ADARB2: variants seen among roughly 807,000 people sequenced by gnomAD.
ADARB2 encodes inactive double-stranded RNA-specific editase B2.
ADARB2 carries 25 observed loss-of-function variants against 62.2 expected under a neutral mutation model. The ratio of observed to expected loss-of-function variants is 0.40; its 90% confidence interval spans 0.29 to 0.56. The LOEUF is 0.56. ADARB2 is among the 20% of genes least tolerant of loss of function. ADARB2 has a pLI of 0.43. For missense variants in ADARB2, 1,071 were observed against 1,077.4 expected (o/e 0.99, Z 0.08); for synonymous variants, 572 against 500.8 (o/e 1.14, Z -1.90).
At chr10:1,342,118 G>A (rs187124082) in intron 3 of ADARB2, among the ~76,000 whole-genome samples, 31 of 152,234 alleles carry the variant, frequency 2.0e-4, no homozygotes, top group African/African-American at 7.2e-4. Flanking sequence ...ACATCTTGGG[G>A]TGTCCCAACC....
In ADARB2 at chr10:1,481,675, G is replaced by A. The variant is rs545286733; in HGVS notation, c.101-102515C>T. On this transcript the variant is annotated intron_variant, in intron 1 of 9. Coordinates refer to ENST00000381312, the MANE Select transcript of ADARB2 (RefSeq NM_018702.4). Reference sequence around the variant, plus strand: ...AGTTCAAGACCAGCCTGGCCAACATGGTGAAACCCCATCTCTACTAAAAAT... The same window carrying A: ...AGTTCAAGACCAGCCTGGCCAACATAGTGAAACCCCATCTCTACTAAAAAT... Among the ~76,000 whole-genome samples, 477 of 152,020 alleles carry A rather than the reference G, an allele frequency of 3.1e-3. 1 individual carries two copies. The highest frequency in any genetic ancestry group is 0.011 in the African/African-American group (447 of 41,436).
intron 6 of ADARB2, among the ~76,000 whole-genome samples, chr10:1,222,264 TG>T (rs1830702006): frequency 6.6e-6 from 1 of 152,252 alleles, no homozygotes; most frequent in Non-Finnish European, 1.5e-5. Flanking sequence ...TGAATGGGGT[TG>T]TTTTTTTCTT....
At chr10:1,591,909 T>G (rs1433516169) in intron 1 of ADARB2, among the ~76,000 whole-genome samples, 1 of 152,244 alleles carries the variant, frequency 6.6e-6, no homozygotes, top group African/African-American at 2.4e-5. Context: ...CAGTTCATCT[T>G]GGAAAACACA....
At chr10:1,495,327 G>A (rs1057241419) in intron 1 of ADARB2, among the ~76,000 whole-genome samples, 1 of 152,220 alleles carries the variant, frequency 6.6e-6, no homozygotes, top group African/African-American at 2.4e-5. Flanking sequence ...GGTATATCAA[G>A]TAGTTCACGT....
intron 2 of ADARB2, among the ~76,000 whole-genome samples, chr10:1,368,091 GCA>G (rs1247610082): frequency 2.6e-5 from 4 of 152,154 alleles, no homozygotes; most frequent in African/African-American, 9.7e-5. Context: ...TGGGAGCCCA[GCA>G]CAGAGGCCAC....
intron 1 of ADARB2, among the ~76,000 whole-genome samples, chr10:1,419,596 T>C (rs1832835915): frequency 6.6e-6 from 1 of 152,180 alleles, no homozygotes; most frequent in African/African-American, 2.4e-5. Flanking sequence ...TAAGCCCAGA[T>C]GGTTGGTGCT....
At chr10:1,516,280 C>T (rs1342791539) in intron 1 of ADARB2, among the ~76,000 whole-genome samples, 2 of 152,216 alleles carry the variant, frequency 1.3e-5, no homozygotes, top group African/African-American at 4.8e-5. Flanking sequence ...CTCTCCTTTC[C>T]CAGGACAATG....
intron 3 of ADARB2, among the ~76,000 whole-genome samples, chr10:1,322,181 G>C (rs1028377672): frequency 6.6e-6 from 1 of 152,152 alleles, no homozygotes; most frequent in Admixed American, 6.5e-5. Context: ...AGAGGTGATG[G>C]GAGAGATGGA....
At chr10:1,509,418 G>C (rs1004471474) in intron 1 of ADARB2, among the ~76,000 whole-genome samples, 2 of 152,128 alleles carry the variant, frequency 1.3e-5, no homozygotes, top group South Asian at 2.1e-4. Context: ...AGAAGCCCTC[G>C]GGGGTTCGTC....
intron 9 of ADARB2, among the ~76,000 whole-genome samples, chr10:1,184,535 T>C (rs993834503): frequency 2.0e-5 from 3 of 152,162 alleles, no homozygotes; most frequent in Non-Finnish European, 4.4e-5. Flanking sequence ...TAGTATCGAC[T>C]TCAAAAGTCC....
rs1378072925 is a variant in ADARB2, at chr10:1,178,755, C to T, written c.*4438G>A. 1 of 152,212 alleles carries T rather than the reference C, an allele frequency of 6.6e-6. No homozygotes were observed. The highest frequency in any genetic ancestry group is 2.4e-5 in the African/African-American group (1 of 41,452). The allele number at this position is 152,212 out of a possible 1,614,324, so 9.4% of individuals were successfully genotyped here. A position where few individuals can be genotyped will look rare whatever the true frequency, so the allele number is the denominator to read the frequency against. On this transcript the variant is annotated 3_prime_UTR_variant, in exon 10 of 10. Transcript: ENST00000381312. ...GCTCTGCAAAAACTGCAGGCGAGGA[C>T]AGGCTTTGGAGGTATGTGGGATGGC... is the stretch of plus-strand genomic sequence containing the variant.
chr10:1,194,807 C>T (rs1836887609), intron 8 of ADARB2, among the ~76,000 whole-genome samples: 2 of 152,180 alleles, frequency 1.3e-5, no homozygotes, highest in African/African-American at 2.4e-5. Context: ...TGTCCTTTCT[C>T]CTATTGAGCG....
chr10:1,679,710 GAC>G (rs1227800985), intron 1 of ADARB2, among the ~76,000 whole-genome samples: 4 of 152,140 alleles, frequency 2.6e-5, no homozygotes, highest in South Asian at 2.1e-4. Flanking sequence ...AGACTGTTCT[GAC>G]ACACACGCGG....
At chr10:1,208,056 C>G (rs1261640486) in intron 7 of ADARB2, among the ~76,000 whole-genome samples, 7 of 152,210 alleles carry the variant, frequency 4.6e-5, no homozygotes, top group Admixed American at 4.6e-4. Flanking sequence ...CAGGGCACTC[C>G]TAACCTTACC....
At chr10:1,279,125 C>T (rs949271643) in intron 3 of ADARB2, among the ~76,000 whole-genome samples, 4 of 152,134 alleles carry the variant, frequency 2.6e-5, no homozygotes, top group Non-Finnish European at 4.4e-5. Context: ...GCTTAAGCAA[C>T]GGAAATTAAC....
At chr10:1,533,434 GACCAAACATCACCTTTTAATCACA>G (rs373400073) in intron 1 of ADARB2, among the ~76,000 whole-genome samples, 30,317 of 151,682 alleles carry the variant, frequency 0.2, 3,354 homozygotes, top group Non-Finnish European at 0.25. Context: ...TTTTAATCAC[GACCAAACATCACCTTTTAATCACA>G]ATCCTGAGAG....
intron 1 of ADARB2, among the ~76,000 whole-genome samples, chr10:1,412,328 G>A (rs1464661731): frequency 2.6e-5 from 4 of 152,050 alleles, no homozygotes; most frequent in East Asian, 1.9e-4. Flanking sequence ...TTACTGTATC[G>A]CCTTGAAGTC....
intron 4 of ADARB2, among the ~76,000 whole-genome samples, chr10:1,267,737 G>T (rs886359451): frequency 6.6e-6 from 1 of 152,260 alleles, no homozygotes; most frequent in African/African-American, 2.4e-5. Context: ...GGAGCTGGGG[G>T]TGGAGGCGGA....
In ADARB2 at chr10:1,255,791, G is replaced by T. The variant is rs532931843; in HGVS notation, c.1193-13492C>A. Among the ~76,000 whole-genome samples the T allele has an allele frequency of 1.3e-5, 2 of 151,926 alleles. No individual in the cohort carries two copies. The highest frequency in any genetic ancestry group is 4.8e-5 in the African/African-American group (2 of 41,332). ...GGGATCCCTCCCAAACAGGTCACAC[G>T]TGTGTCTGTGACTCATGGTGGGTCA... On this transcript the variant is annotated intron_variant, in intron 4 of 9. Coordinates refer to ENST00000381312, the MANE Select transcript of ADARB2 (RefSeq NM_018702.4). The surrounding 1 kb of genome is among the most constrained non-coding windows in gnomAD (Gnocchi z 4.7).
Sources: allele counts gnomAD v4.1 joint callset (sites outside exome capture counted in the v4.1 genomes callset), GRCh38; gene constraint gnomAD v4.1.1; non-coding constraint Gnocchi (gnomAD v3.1); transcripts MANE v1.5; gene names NCBI Gene and HGNC (gene_info 2026-07-23, HGNC 2026-07-21).